Variants in AKAP6 observed in about 807,000 individuals in gnomAD.
AKAP6 encodes A-kinase anchoring protein 6, also known as A-kinase anchor protein 6.
AKAP6 carries 58 observed loss-of-function variants against 188.5 expected under a neutral mutation model. The observed-to-expected ratio is 0.31, with a 90% CI of 0.25 to 0.38. AKAP6 has a LOEUF of 0.38. AKAP6 is among the 10% of genes least tolerant of loss of function. AKAP6 has a pLI of 1.00. For missense variants in AKAP6, 2,710 were observed against 2,740.0 expected (o/e 0.99, Z 0.24); for synonymous variants, 989 against 998.6 (o/e 0.99, Z 0.18).
rs116634241 is a variant in AKAP6, at chr14:32,627,250, A to G, written c.2730+26458A>G. Among the ~76,000 whole-genome samples, 842 of 152,284 alleles carry G rather than the reference A, an allele frequency of 5.5e-3. 10 individuals are homozygous for G. Among genetic ancestry groups the G allele is most frequent in the African/African-American group, 0.02 (815 of 41,568 alleles). ...TTTGAATAATCTCTTACTAAAGTAA[A>G]TAATCAGCGTGAAAATCAGAAAAAC... On this transcript the variant is annotated intron_variant, in intron 7 of 13. Coordinates refer to ENST00000280979, the MANE Select transcript of AKAP6 (RefSeq NM_004274.5).
chr14:32,618,837 A>G (rs1886696850), intron 7 of AKAP6, among the ~76,000 whole-genome samples: 1 of 152,132 alleles, frequency 6.6e-6, no homozygotes, highest in Admixed American at 6.5e-5. Flanking sequence ...TTCCCTTTTC[A>G]TCACATCCAC....
intron 7 of AKAP6, among the ~76,000 whole-genome samples, chr14:32,662,923 A>G (rs1158893199): frequency 2.6e-5 from 4 of 152,056 alleles, no homozygotes; most frequent in African/African-American, 9.7e-5. Flanking sequence ...TCTTACCAAC[A>G]TCAGATGAGC....
chr14:32,375,431 G>T (rs754804797), intron 1 of AKAP6, among the ~76,000 whole-genome samples: 137 of 151,714 alleles, frequency 9.0e-4, no homozygotes, highest in Non-Finnish European at 1.6e-3. Context: ...TCAGGGCTAG[G>T]TTTGTAGATA....
At chr14:32,561,482 A>G (rs919616454) in intron 4 of AKAP6, among the ~76,000 whole-genome samples, 2 of 152,222 alleles carry the variant, frequency 1.3e-5, no homozygotes, top group Admixed American at 6.5e-5. Flanking sequence ...AATAACTAAG[A>G]GAAGCACTCA....
intron 1 of AKAP6, among the ~76,000 whole-genome samples, chr14:32,361,471 G>A (rs1317074653): frequency 6.6e-6 from 1 of 152,176 alleles, no homozygotes; most frequent in East Asian, 1.9e-4. Flanking sequence ...GTGGCAAACA[G>A]GGAAGTTGGT....
chr14:32,352,083 G>T (rs1350999733), intron 1 of AKAP6, among the ~76,000 whole-genome samples: 1 of 111,398 alleles, frequency 9.0e-6, no homozygotes, highest in Non-Finnish European at 1.7e-5. Context: ...GTGTGTGTGT[G>T]TGTGTGTGTG....
At chr14:32,740,405 G>C (rs192796846) in intron 11 of AKAP6, among the ~76,000 whole-genome samples, 1 of 151,974 alleles carries the variant, frequency 6.6e-6, no homozygotes, top group Non-Finnish European at 1.5e-5. Flanking sequence ...TTTTTGCTGA[G>C]GTTGCTTGTG....
intron 7 of AKAP6, among the ~76,000 whole-genome samples, chr14:32,654,836 G>A (rs1236184840): frequency 2.1e-5 from 3 of 140,162 alleles, no homozygotes; most frequent in African/African-American, 2.8e-5. Flanking sequence ...GTGACAGGGC[G>A]AGACCCTGTC....
intron 5 of AKAP6, among the ~76,000 whole-genome samples, chr14:32,598,677 G>A (rs1350742069): frequency 6.6e-6 from 1 of 152,148 alleles, no homozygotes; most frequent in African/African-American, 2.4e-5. Flanking sequence ...GATATAAGGA[G>A]CGGAGAGGGG....
At chr14:32,443,370 G>A (rs549960681) in intron 2 of AKAP6, among the ~76,000 whole-genome samples, 9 of 151,292 alleles carry the variant, frequency 5.9e-5, no homozygotes, top group Middle Eastern at 3.4e-3. Flanking sequence ...TCCAGCCTGG[G>A]CAGCAGAGTA....
Position 32,823,763 on chromosome 14 carries a change from T to G in AKAP6, c.5950T>G (p.Phe1984Val). Residue 1984 changes from phenylalanine (F) to valine (V), a missense_variant, in exon 13 of 14, where the codon TTC becomes GTC. By Grantham distance (50) the Phe-to-Val change is conservative. Coordinates refer to ENST00000280979, the MANE Select transcript of AKAP6 (RefSeq NM_004274.5). ...TGCCTCTACTCCCACTGAGAAGTCT[T>G]TCTCAGAACTGGCTTTAGAAACCAG... ...STASTPTEKSFSELALETRFN... is the reference protein window; with the variant it reads ...STASTPTEKSVSELALETRFN... 1.2e-6 allele frequency: 2 copies of G among 1,613,670 alleles called. No homozygotes were observed. Among genetic ancestry groups the G allele is most frequent in the Non-Finnish European group, 1.7e-6 (2 of 1,179,926 alleles).
chr14:32,542,290 G>C (rs1882990048), intron 3 of AKAP6, among the ~76,000 whole-genome samples: 1 of 152,172 alleles, frequency 6.6e-6, no homozygotes, highest in South Asian at 2.1e-4. Context: ...AAGGCATAGA[G>C]AGACATTCTA....
chr14:32,341,112 CT>C (rs1312418871), intron 1 of AKAP6, among the ~76,000 whole-genome samples: 1 of 152,196 alleles, frequency 6.6e-6, no homozygotes, highest in Non-Finnish European at 1.5e-5. Flanking sequence ...TAAAGTTTCG[CT>C]TAAACTAACA....
chr14:32,814,345 TC>T (rs2034323601), intron 12 of AKAP6, among the ~76,000 whole-genome samples: 1 of 152,144 alleles, frequency 6.6e-6, no homozygotes, highest in African/African-American at 2.4e-5. Flanking sequence ...CACCACTTCT[TC>T]CAAACATTAT....
chr14:32,715,779 T>TA, intron 9 of AKAP6, among the ~76,000 whole-genome samples: 1 of 151,394 alleles, frequency 6.6e-6, no homozygotes, highest in South Asian at 2.1e-4. Context: ...GATTTTTTTT[T>TA]AAAATTCTAG....
intron 12 of AKAP6, among the ~76,000 whole-genome samples, chr14:32,775,104 C>T (rs2033014916): frequency 6.6e-6 from 1 of 152,166 alleles, no homozygotes; most frequent in African/African-American, 2.4e-5. Flanking sequence ...TACTAGTAAT[C>T]AGAGTCAACA....
In AKAP6 at chr14:32,716,682, T is replaced by TATCC. The variant is rs2030225867; in HGVS notation, c.3001-15769_3001-15768insCATC. Among the ~76,000 whole-genome samples the TATCC allele has an allele frequency of 2.7e-5, 4 of 149,580 alleles. No individual in the cohort carries two copies. In the South Asian group the frequency reaches 8.4e-4, roughly 31 times the overall value. ...GGTATACATTATCTATCTATCTATC[T>TATCC]ATCTATCTATCTATCTATCTGTATT... On this transcript the variant is annotated intron_variant, in intron 9 of 13. Coordinates refer to ENST00000280979, the MANE Select transcript of AKAP6 (RefSeq NM_004274.5).
chr14:32,436,398 C>T (rs903468221), intron 2 of AKAP6, among the ~76,000 whole-genome samples: 2 of 152,114 alleles, frequency 1.3e-5, no homozygotes, highest in African/African-American at 2.4e-5. Flanking sequence ...TTTCAGTAAA[C>T]GTCACTACTC....
chr14:32,743,825 G>A (rs1004046980), intron 11 of AKAP6, among the ~76,000 whole-genome samples: 1 of 152,112 alleles, frequency 6.6e-6, no homozygotes, highest in Non-Finnish European at 1.5e-5. Context: ...TACCACAGTT[G>A]CATTGTTAAA....
Sources: allele counts gnomAD v4.1 joint callset (sites outside exome capture counted in the v4.1 genomes callset), GRCh38; gene constraint gnomAD v4.1.1; transcripts MANE v1.5; gene names NCBI Gene and HGNC (gene_info 2026-07-23, HGNC 2026-07-21).